Variants in CRIM1 observed in about 807,000 individuals in gnomAD.
CRIM1 encodes cysteine rich transmembrane BMP regulator 1, also known as cysteine-rich motor neuron 1 protein.
CRIM1 carries 32 observed loss-of-function variants against 116.4 expected under a neutral mutation model. The observed-to-expected ratio is 0.27, with a 90% CI of 0.21 to 0.37. CRIM1 has a LOEUF of 0.37. Ranked by LOEUF, CRIM1 falls within the 10% of genes least tolerant of loss-of-function variation. The pLI is 1.00. For missense variants in CRIM1, 1,331 were observed against 1,354.8 expected, an observed-to-expected ratio of 0.98 and a Z score of 0.28; for synonymous variants, 590 against 509.2, an observed-to-expected ratio of 1.16 and a Z score of -2.13.
chr2:36,546,196 A>G lies in CRIM1; in HGVS notation c.2747-788A>G, dbSNP rs143629522. The stretch of plus-strand genomic sequence containing the variant: ...AATGCATTTAGAAAACCTGACTACA[A>G]TGATTTATTTGAAACAAAACAGAAT... On this transcript the variant is annotated intron_variant, in intron 15 of 16. Transcript: ENST00000280527. Among the ~76,000 whole-genome samples the G allele has an allele frequency of 1.6e-4, 24 of 152,320 alleles. No individual in the cohort carries two copies. The East Asian group carries it at 1.7e-3, about 11-fold the overall frequency.
At chr2:36,548,502 T>C (rs755786520) in intron 16 of CRIM1, 23 bp from the exon 17 acceptor site, 21 of 1,528,628 alleles carry the variant, frequency 1.4e-5, no homozygotes, top group Non-Finnish European at 1.8e-5. Flanking sequence ...TTTTGTGGTT[T>C]TATTCCTCCT....
intron 1 of CRIM1, among the ~76,000 whole-genome samples, chr2:36,390,821 TA>T (rs1213914494): frequency 7.2e-5 from 11 of 152,134 alleles, no homozygotes; most frequent in Admixed American, 6.5e-4. Flanking sequence ...TTTATTTATT[TA>T]TTTTTTTGAC....
At chr2:36,385,569 T>G (rs1325548481) in intron 1 of CRIM1, among the ~76,000 whole-genome samples, 1 of 152,148 alleles carries the variant, frequency 6.6e-6, no homozygotes, top group African/African-American at 2.4e-5. Flanking sequence ...GGCCTCTGCT[T>G]GTCCTGGTGG....
intron 9 of CRIM1, among the ~76,000 whole-genome samples, chr2:36,511,239 C>T (rs1388024645): frequency 6.6e-6 from 1 of 152,126 alleles, no homozygotes; most frequent in African/African-American, 2.4e-5. Flanking sequence ...CTGTGCCTGG[C>T]CTAGTGCTAG....
intron 6 of CRIM1, among the ~76,000 whole-genome samples, chr2:36,478,372 G>C (rs1679148856): frequency 1.3e-5 from 2 of 152,152 alleles, no homozygotes; most frequent in African/African-American, 4.8e-5. Context: ...AGCAGTTGAT[G>C]CTGTAAAAAT....
chr2:36,409,751 T>A (rs990567333), intron 2 of CRIM1, among the ~76,000 whole-genome samples: 12 of 152,270 alleles, frequency 7.9e-5, no homozygotes, highest in Non-Finnish European at 1.3e-4. Flanking sequence ...GAATTGGCAC[T>A]TCTTTGTTCT....
At chr2:36,523,689 G>A (rs1451323385) in intron 13 of CRIM1, among the ~76,000 whole-genome samples, 1 of 152,150 alleles carries the variant, frequency 6.6e-6, no homozygotes, top group Admixed American at 6.5e-5. Context: ...TTATTGTTGG[G>A]GATTTTCCAT....
intron 4 of CRIM1, among the ~76,000 whole-genome samples, chr2:36,451,030 G>A (rs1236578961): frequency 4.6e-5 from 7 of 152,204 alleles, no homozygotes; most frequent in Non-Finnish European, 8.8e-5. Context: ...AAGCACTTGA[G>A]TTAAATCCAA....
intron 1 of CRIM1, among the ~76,000 whole-genome samples, chr2:36,358,973 C>T (rs550134862): frequency 1.2e-4 from 18 of 152,240 alleles, no homozygotes; most frequent in Middle Eastern, 3.4e-3. Flanking sequence ...CCCCGCCTGC[C>T]ATTTTTAAAA....
chr2:36,476,436 A>G (rs913314952), intron 5 of CRIM1, among the ~76,000 whole-genome samples: 1 of 152,212 alleles, frequency 6.6e-6, no homozygotes, highest in Admixed American at 6.5e-5. Flanking sequence ...AAAGAATTTA[A>G]GAGAGAGCAC....
chr2:36,442,114 T>C (rs1053160045), intron 3 of CRIM1, among the ~76,000 whole-genome samples: 3 of 152,240 alleles, frequency 2.0e-5, no homozygotes, highest in African/African-American at 7.2e-5. Context: ...ATATTATTTC[T>C]AACATCCTTG....
chr2:36,452,693 T>C (rs1676829642), intron 4 of CRIM1, among the ~76,000 whole-genome samples: 1 of 152,026 alleles, frequency 6.6e-6, no homozygotes, highest in African/African-American at 2.4e-5. Flanking sequence ...AGGCTTTTTT[T>C]ATCTCACCTT....
chr2:36,392,846 T>C (rs1252538350), intron 1 of CRIM1, among the ~76,000 whole-genome samples: 1 of 151,834 alleles, frequency 6.6e-6, no homozygotes, highest in African/African-American at 2.4e-5. Flanking sequence ...AAAAAGAAAA[T>C]AAAAGTGTCT....
chr2:36,503,791 C>G (rs1167224262), intron 8 of CRIM1, among the ~76,000 whole-genome samples: 1 of 151,982 alleles, frequency 6.6e-6, no homozygotes, highest in African/African-American at 2.4e-5. Context: ...TTTCTGCATC[C>G]CATCAAAACC....
At chr2:36,370,216 T>A (rs62134621) in intron 1 of CRIM1, among the ~76,000 whole-genome samples, 7 of 151,086 alleles carry the variant, frequency 4.6e-5, no homozygotes, top group East Asian at 1.9e-4. Flanking sequence ...TTTTTTTTTT[T>A]AAATAGTATG....
intron 4 of CRIM1, among the ~76,000 whole-genome samples, chr2:36,449,522 CAT>C (rs1385952808): frequency 2.0e-5 from 3 of 152,186 alleles, no homozygotes; most frequent in East Asian, 1.9e-4. Flanking sequence ...GGGCACGAAT[CAT>C]GTGTCCAGAG....
chr2:36,445,701 G>T (rs1036973325), intron 4 of CRIM1, among the ~76,000 whole-genome samples: 4 of 152,008 alleles, frequency 2.6e-5, no homozygotes, highest in Non-Finnish European at 5.9e-5. Context: ...ATATTCAGTG[G>T]ATTCCTGCTT....
At chr2:36,473,100 A>G (rs772137463) in intron 5 of CRIM1, among the ~76,000 whole-genome samples, 4 of 152,234 alleles carry the variant, frequency 2.6e-5, no homozygotes, top group Non-Finnish European at 5.9e-5. Flanking sequence ...ACTGGTACTA[A>G]TAATACTCGT....
At chr2:36,413,817 T>C (rs951631234) in intron 2 of CRIM1, among the ~76,000 whole-genome samples, 5 of 152,216 alleles carry the variant, frequency 3.3e-5, no homozygotes, top group African/African-American at 1.2e-4. Flanking sequence ...TACATACACT[T>C]GTAAAGTGTA....
Sources: allele counts gnomAD v4.1 joint callset (sites outside exome capture counted in the v4.1 genomes callset), GRCh38; gene constraint gnomAD v4.1.1; transcripts MANE v1.5; gene names NCBI Gene and HGNC (gene_info 2026-07-23, HGNC 2026-07-21).